OPCML: variants seen among roughly 807,000 people sequenced by gnomAD.
OPCML encodes the protein opioid-binding protein/cell adhesion molecule.
In OPCML, 13 loss-of-function variants were observed where a neutral mutation model predicts 37.8. The ratio of observed to expected loss-of-function variants is 0.34; its 90% confidence interval spans 0.22 to 0.55. OPCML has a LOEUF of 0.55. OPCML is among the 20% of genes least tolerant of loss of function. The pLI is 0.91. For missense variants in OPCML, 341 were observed against 435.6 expected (o/e 0.78, Z 1.93); for synonymous variants, 176 against 168.8 (o/e 1.04, Z -0.33).
chr11:132,634,950 T>C (rs947151163), intron 3 of OPCML, among the ~76,000 whole-genome samples: 2 of 152,032 alleles, frequency 1.3e-5, no homozygotes, highest in African/African-American at 2.4e-5. Context: ...GCCCTCTTAC[T>C]ATGTTGTAAG....
At chr11:133,009,074 T>C (rs1180788236) in intron 1 of OPCML, 3 of 985,290 alleles carry the variant, frequency 3.0e-6, no homozygotes, top group South Asian at 4.7e-5. Context: ...TAAGTCTACA[T>C]GTATGGGCAG....
intron 1 of OPCML, among the ~76,000 whole-genome samples, chr11:133,315,787 A>G (rs1380131041): frequency 6.6e-6 from 1 of 152,194 alleles, no homozygotes; most frequent in African/African-American, 2.4e-5. Context: ...GACAAGAGCA[A>G]AACTCCATCC....
At chr11:132,475,178 C>T (rs1479399096) in intron 4 of OPCML, among the ~76,000 whole-genome samples, 1 of 152,196 alleles carries the variant, frequency 6.6e-6, no homozygotes, top group Non-Finnish European at 1.5e-5. Flanking sequence ...TAAGCCCCCA[C>T]TAAGACCTAT....
At chr11:133,421,889 A>T (rs1228113360) in intron 1 of OPCML, 4 of 556,710 alleles carry the variant, frequency 7.2e-6, no homozygotes, top group Non-Finnish European at 9.1e-6. Flanking sequence ...AGTGAGAAAC[A>T]ATAATTATTG....
chr11:133,236,370 T>C (rs1414405096), intron 1 of OPCML, among the ~76,000 whole-genome samples: 1 of 152,174 alleles, frequency 6.6e-6, no homozygotes, highest in Non-Finnish European at 1.5e-5. Context: ...ACTTATAAAT[T>C]GTTTATTTCT....
chr11:133,443,486 A>C (rs1946405482), intron 1 of OPCML, among the ~76,000 whole-genome samples: 1 of 152,188 alleles, frequency 6.6e-6, no homozygotes, highest in East Asian at 1.9e-4. Flanking sequence ...GTAGGCTCCT[A>C]TTCTCTCTTC....
At chr11:133,458,247 CATAT>C (rs35940750) in intron 1 of OPCML, among the ~76,000 whole-genome samples, 1 of 70,736 alleles carries the variant, frequency 1.4e-5, no homozygotes, top group African/African-American at 1.4e-4. Context: ...TATATATACA[CATAT>C]ATATACACGT....
chr11:132,903,042 T>G (rs1944116958), intron 2 of OPCML, among the ~76,000 whole-genome samples: 1 of 152,190 alleles, frequency 6.6e-6, no homozygotes, highest in Non-Finnish European at 1.5e-5. Context: ...GAAAACCATT[T>G]CCTACCCCTC....
intron 2 of OPCML, among the ~76,000 whole-genome samples, chr11:132,846,765 T>C (rs1463077294): frequency 6.6e-6 from 1 of 152,204 alleles, no homozygotes; most frequent in Admixed American, 6.5e-5. Flanking sequence ...CAACATGATC[T>C]ACTCAATTTT....
At chr11:133,369,820 C>T (rs773904274) in intron 1 of OPCML, among the ~76,000 whole-genome samples, 14 of 152,120 alleles carry the variant, frequency 9.2e-5, no homozygotes, top group Admixed American at 9.2e-4. Flanking sequence ...TTCACACTGA[C>T]ATGGTTGTAT....
chr11:132,620,860 C>A (rs1375091817), intron 3 of OPCML, among the ~76,000 whole-genome samples: 1 of 152,158 alleles, frequency 6.6e-6, no homozygotes, highest in South Asian at 2.1e-4. Flanking sequence ...GATCCCATGC[C>A]CTGAAGAATC....
At chr11:132,929,592 C>T (rs2136623804) in intron 2 of OPCML, among the ~76,000 whole-genome samples, 1 of 152,182 alleles carries the variant, frequency 6.6e-6, no homozygotes, top group East Asian at 1.9e-4. Context: ...GAAGACATTA[C>T]CAAAACAACA....
chr11:133,304,209 T>C (rs1942854376), intron 1 of OPCML, among the ~76,000 whole-genome samples: 1 of 152,170 alleles, frequency 6.6e-6, no homozygotes, highest in African/African-American at 2.4e-5. Context: ...GCAGCAAACG[T>C]CTGCTGGGAC....
intron 1 of OPCML, among the ~76,000 whole-genome samples, chr11:133,072,893 A>G (rs1382596014): frequency 6.6e-6 from 1 of 152,262 alleles, no homozygotes; most frequent in African/African-American, 2.4e-5. Context: ...CATCTCAGCC[A>G]GGAGAACATT....
intron 2 of OPCML, among the ~76,000 whole-genome samples, chr11:132,859,753 C>T (rs899532837): frequency 2.6e-5 from 4 of 152,204 alleles, no homozygotes; most frequent in African/African-American, 9.7e-5. Flanking sequence ...TATTATCTTC[C>T]TAATTACACT....
intron 3 of OPCML, among the ~76,000 whole-genome samples, chr11:132,538,643 C>T (rs147958419): frequency 5.9e-5 from 9 of 152,222 alleles, no homozygotes; most frequent in Non-Finnish European, 1.0e-4. Context: ...CAAGGAGAGA[C>T]GACACCCCAA....
At chr11:132,575,421 T>A (rs11223134) in intron 3 of OPCML, among the ~76,000 whole-genome samples, 18,014 of 152,048 alleles carry the variant, frequency 0.12, 1,321 homozygotes, top group East Asian at 0.21. Context: ...AGTTCTATAA[T>A]TTAATTTTTT....
rs555621305 is a variant in OPCML, at chr11:133,109,275, GC to G, written c.62-166266del. Among the ~76,000 whole-genome samples the G allele has an allele frequency of 3.3e-3, 506 of 152,272 alleles. 1 individual carries two copies. Among genetic ancestry groups the G allele is most frequent in the African/African-American group, 0.012 (487 of 41,564 alleles). ...GCACGGACCCAAAGAGTGGGCAGTAGCAAGGTTTGTTTTGAAGAGCAAAAGA... is the reference window on the plus strand; with the variant it reads ...GCACGGACCCAAAGAGTGGGCAGTAGAAGGTTTGTTTTGAAGAGCAAAAGA... On this transcript the variant is annotated intron_variant, in intron 1 of 7. Coordinates refer to ENST00000524381, the MANE Select transcript of OPCML (RefSeq NM_001012393.5).
chr11:133,341,749 T>C (rs1306619265), intron 1 of OPCML, among the ~76,000 whole-genome samples: 1 of 151,984 alleles, frequency 6.6e-6, no homozygotes, highest in Non-Finnish European at 1.5e-5. Flanking sequence ...CAAAACCCCA[T>C]CTCTACTAAA....
Sources: gnomAD v4.1 joint callset for allele counts (sites outside exome capture counted in the v4.1 genomes callset) on GRCh38, gnomAD v4.1.1 for gene constraint, MANE v1.5 for transcripts, NCBI Gene and HGNC (gene_info 2026-07-23, HGNC 2026-07-21) for gene names.